Variants in TSC22D1 observed in about 807,000 individuals in gnomAD.
TSC22D1 encodes TSC22 domain family protein 1.
Under a neutral mutation model 74.2 loss-of-function variants are expected in TSC22D1, and 9 were observed. The observed-to-expected ratio is 0.12, with a 90% CI of 0.07 to 0.21. TSC22D1 has a LOEUF of 0.21. Among genes scored for constraint, TSC22D1 ranks in the 10% least tolerant of loss-of-function variants. The probability of loss-of-function intolerance (pLI) is 1.00; values close to 1 mark genes in which losing one functional copy is unlikely to be tolerated. For synonymous variants in TSC22D1, 586 were observed against 492.5 expected (o/e 1.19, Z -2.51); for missense variants, 1,427 against 1,304.7 (o/e 1.09, Z -1.44).
At position 44,433,822 on chromosome 13, in the gene TSC22D1, G is replaced by T; in HGVS notation, c.*804C>A. ...TGCCAAATTCTTAAAATTTCTTTAG[G>T]TGTGGTTTTTGTCATGTAGCAGTTT... is the stretch of plus-strand genomic sequence containing the variant. On this transcript the variant is annotated 3_prime_UTR_variant, in exon 3 of 3. Coordinates refer to ENST00000458659, the MANE Select transcript of TSC22D1 (RefSeq NM_183422.4). 1.6e-6 allele frequency: 1 copy of T among 606,654 alleles called. No homozygotes were observed. Among genetic ancestry groups the T allele is most frequent in the Non-Finnish European group, 2.6e-6 (1 of 380,630 alleles). 37.6% of individuals were successfully genotyped at this position (606,654 alleles called of 1,614,324 possible).
chr13:44,512,928 G>A (rs368519339), intron 1 of TSC22D1, among the ~76,000 whole-genome samples: 10 of 152,212 alleles, frequency 6.6e-5, no homozygotes, highest in South Asian at 2.1e-4. Context: ...GATTACAGGC[G>A]TGAGCCACTG....
At chr13:44,472,931 A>G (rs1174577255) in intron 1 of TSC22D1, among the ~76,000 whole-genome samples, 1 of 152,184 alleles carries the variant, frequency 6.6e-6, no homozygotes, top group Non-Finnish European at 1.5e-5. Context: ...TTTAAAAAAG[A>G]AAGAGATTTA....
chr13:44,544,107 A>T (rs1325781345), intron 1 of TSC22D1, among the ~76,000 whole-genome samples: 1 of 152,184 alleles, frequency 6.6e-6, no homozygotes, highest in Non-Finnish European at 1.5e-5. Context: ...AATAAAAAAT[A>T]AAAAATAAAC....
intron 1 of TSC22D1, among the ~76,000 whole-genome samples, chr13:44,561,649 C>T (rs1386609426): frequency 6.6e-6 from 1 of 152,190 alleles, no homozygotes; most frequent in Non-Finnish European, 1.5e-5. Context: ...CTTAACTTCT[C>T]TGACTCCCAA....
chr13:44,469,170 A>T (rs1288209021), intron 1 of TSC22D1, among the ~76,000 whole-genome samples: 3 of 152,132 alleles, frequency 2.0e-5, no homozygotes, highest in Non-Finnish European at 4.4e-5. Flanking sequence ...ATTACAGGGT[A>T]CCTACAGGGT....
intron 1 of TSC22D1, among the ~76,000 whole-genome samples, chr13:44,521,595 A>G (rs1880318392): frequency 6.6e-6 from 1 of 152,124 alleles, no homozygotes; most frequent in South Asian, 2.1e-4. Flanking sequence ...AAATGTTTTA[A>G]TAACAGTTGG....
At chr13:44,513,374 TATAA>T (rs771228006) in intron 1 of TSC22D1, among the ~76,000 whole-genome samples, 2 of 152,250 alleles carry the variant, frequency 1.3e-5, no homozygotes, top group African/African-American at 2.4e-5. Flanking sequence ...TCCAAACATA[TATAA>T]ATGTTTTTGG....
chr13:44,500,443 A>G (rs1879174327), intron 1 of TSC22D1, among the ~76,000 whole-genome samples: 1 of 152,186 alleles, frequency 6.6e-6, no homozygotes, highest in South Asian at 2.1e-4. Flanking sequence ...TTGACTATAT[A>G]TCTATTCCCC....
At chr13:44,480,495 G>A (rs1370909901) in intron 1 of TSC22D1, among the ~76,000 whole-genome samples, 1 of 152,150 alleles carries the variant, frequency 6.6e-6, no homozygotes, top group Admixed American at 6.5e-5. Context: ...TCACAGATGA[G>A]AGATGAAGGC....
chr13:44,501,243 G>A (rs552104339), intron 1 of TSC22D1, among the ~76,000 whole-genome samples: 141 of 152,272 alleles, frequency 9.3e-4, no homozygotes, highest in Non-Finnish European at 9.7e-4. Flanking sequence ...CAGGCAAGTG[G>A]CTGGTTTGAG....
intron 1 of TSC22D1, among the ~76,000 whole-genome samples, chr13:44,556,603 T>G (rs1187234570): frequency 6.6e-6 from 1 of 151,464 alleles, no homozygotes; most frequent in African/African-American, 2.4e-5. Flanking sequence ...CAGTGGCTCA[T>G]GCCTGTAATC....
chr13:44,539,334 G>C (rs1326192563), intron 1 of TSC22D1: 2 of 985,102 alleles, frequency 2.0e-6, no homozygotes, highest in Non-Finnish European at 2.4e-6. Flanking sequence ...AAGACCAAAA[G>C]GTTCTCACTA....
intron 1 of TSC22D1, among the ~76,000 whole-genome samples, chr13:44,532,587 C>A (rs1880909186): frequency 6.6e-6 from 1 of 152,186 alleles, no homozygotes; most frequent in South Asian, 2.1e-4. Context: ...CATTCTCCTG[C>A]CTCAGCCTCC....
At chr13:44,527,023 G>A (rs1260610572) in intron 1 of TSC22D1, among the ~76,000 whole-genome samples, 1 of 152,208 alleles carries the variant, frequency 6.6e-6, no homozygotes, top group South Asian at 2.1e-4. Context: ...AACCATGCAA[G>A]CAAGAAGATT....
intron 1 of TSC22D1, among the ~76,000 whole-genome samples, chr13:44,499,199 G>T (rs1879112662): frequency 6.6e-6 from 1 of 152,086 alleles, no homozygotes; most frequent in Admixed American, 6.5e-5. Context: ...AAATCATTTG[G>T]TTGGCATTAG....
Position 44,574,459 on chromosome 13 carries a change from A to T in TSC22D1, c.1616T>A (p.Ile539Asn). The part of the protein sequence containing the change: ...SIPAVSIPQS[I>N]SQSQISQVQL... ...TACTTGTGAGATCTGTGACTGAGAA[A>T]TACTCTGTGGTATACTAACTGCTGG... The change falls in exon 1 of 3, where the codon ATT becomes AAT. Residue 539 changes from isoleucine (I) to asparagine (N), a missense_variant. By Grantham distance (149) the Ile-to-Asn change is moderately radical. Around this residue, in one of 3 missense-constraint regions of TSC22D1, gnomAD observed 1,343 missense variants for 1,191.5 expected, o/e 1.13. Coordinates refer to ENST00000458659, the MANE Select transcript of TSC22D1 (RefSeq NM_183422.4). 1 of 1,613,902 alleles carries T rather than the reference A, an allele frequency of 6.2e-7. No individual in the cohort carries two copies. The highest frequency in any genetic ancestry group is 2.2e-5 in the East Asian group (1 of 44,894).
intron 1 of TSC22D1, among the ~76,000 whole-genome samples, chr13:44,524,273 C>T (rs867491098): frequency 3.5e-4 from 51 of 146,750 alleles, no homozygotes; most frequent in African/African-American, 1.3e-3. Flanking sequence ...GTCCACACAA[C>T]AGAAAAAAAA....
intron 1 of TSC22D1, among the ~76,000 whole-genome samples, chr13:44,487,018 A>G (rs1046669580): frequency 4.6e-5 from 7 of 152,138 alleles, no homozygotes; most frequent in Non-Finnish European, 7.4e-5. Flanking sequence ...AATGTAAAAA[A>G]AAAATACCTA....
chr13:44,457,970 T>C (rs1322409421), intron 1 of TSC22D1, among the ~76,000 whole-genome samples: 1 of 152,238 alleles, frequency 6.6e-6, no homozygotes, highest in East Asian at 1.9e-4. Context: ...CTGTTTCATA[T>C]TCTTGGACAG....
Sources: gnomAD v4.1 joint callset for allele counts (sites outside exome capture counted in the v4.1 genomes callset) on GRCh38, gnomAD v4.1.1 for gene constraint, gnomAD v4.1.1 regional missense constraint, MANE v1.5 for transcripts, NCBI Gene and HGNC (gene_info 2026-07-23, HGNC 2026-07-21) for gene names.